The following DYNC1I1 variants were observed in gnomAD, a reference collection of about 807,000 sequenced individuals.
DYNC1I1 encodes the protein cytoplasmic dynein 1 intermediate chain 1.
A neutral mutation model predicts 86.6 loss-of-function variants in DYNC1I1; 43 were observed. The observed-to-expected ratio is 0.50, with a 90% CI of 0.39 to 0.64. The LOEUF (loss-of-function observed/expected upper bound fraction) is 0.64, where lower values mean the gene tolerates loss of function less well. Ranked by LOEUF, DYNC1I1 falls within the 30% of genes least tolerant of loss-of-function variation. The pLI, the probability that DYNC1I1 is intolerant of heterozygous loss-of-function variation, is 0.00. For missense variants in DYNC1I1, 604 were observed against 788.8 expected (o/e 0.77, Z 2.81); for synonymous variants, 262 against 283.7 (o/e 0.92, Z 0.77).
chr7:96,080,215 C>A, intron 15 of DYNC1I1, 148 bp from the exon 16 acceptor site: 1 of 986,976 alleles, frequency 1.0e-6, no homozygotes, highest in Non-Finnish European at 1.4e-6. Flanking sequence ...GAACAATGAG[C>A]CCTTTTTCCC....
chr7:95,935,980 G>GT (rs1014038528), intron 6 of DYNC1I1, among the ~76,000 whole-genome samples: 2 of 151,888 alleles, frequency 1.3e-5, no homozygotes, highest in Admixed American at 6.6e-5. Context: ...GAAATTTCAT[G>GT]TTTTTTTGGT....
At chr7:95,873,765 G>A (rs910414364) in intron 6 of DYNC1I1, among the ~76,000 whole-genome samples, 1 of 152,188 alleles carries the variant, frequency 6.6e-6, no homozygotes, top group East Asian at 1.9e-4. Context: ...CAGGTCTTTG[G>A]CTGTCAAGCA....
chr7:96,073,574 G>A (rs776176727), intron 14 of DYNC1I1, among the ~76,000 whole-genome samples: 1 of 152,174 alleles, frequency 6.6e-6, no homozygotes, highest in Non-Finnish European at 1.5e-5. Context: ...ATTGTGTTAC[G>A]TGTTTAGTAT....
At position 96,081,605 on chromosome 7, in the gene DYNC1I1, G is replaced by A. The variant is rs73708464; in HGVS notation, c.1776+1117G>A. On this transcript the variant is annotated intron_variant, in intron 16 of 16. Transcript: ENST00000447467. Reference sequence around the variant, plus strand: ...TGAATCTAACATTGCATTCCAGGGGGAAAATATACCACATTTGTATGCATA... The same window carrying A: ...TGAATCTAACATTGCATTCCAGGGGAAAAATATACCACATTTGTATGCATA... Among the ~76,000 whole-genome samples, 164 of 152,230 alleles carry A rather than the reference G, an allele frequency of 1.1e-3. 1 individual carries two copies. The highest frequency in any genetic ancestry group is 3.8e-3 in the African/African-American group (157 of 41,546).
intron 6 of DYNC1I1, among the ~76,000 whole-genome samples, chr7:95,915,201 C>T (rs1053551263): frequency 3.0e-4 from 46 of 152,182 alleles, no homozygotes; most frequent in African/African-American, 1.0e-3. Flanking sequence ...CACATAATAA[C>T]GAACTATAGT....
intron 14 of DYNC1I1, among the ~76,000 whole-genome samples, chr7:96,046,935 G>T (rs1313997544): frequency 6.6e-6 from 1 of 152,164 alleles, no homozygotes; most frequent in African/African-American, 2.4e-5. Flanking sequence ...TGTAATTGAA[G>T]ATATTTGTCT....
In DYNC1I1 at chr7:95,977,599, A is replaced by G. The variant is rs1793341633; in HGVS notation, c.578A>G (p.Glu193Gly). 3.7e-6 allele frequency: 6 copies of G among 1,612,294 alleles called. No homozygotes were observed. Among genetic ancestry groups the G allele is most frequent in the Non-Finnish European group, 5.1e-6 (6 of 1,179,374 alleles). ...ENQDKKQEVK[E>G]APPRELTEEE... Reference sequence around the variant, plus strand: ...CAGGACAAAAAACAGGAAGTGAAGGAAGGTATGATATGGAAAATAAACTGA... The same window carrying G: ...CAGGACAAAAAACAGGAAGTGAAGGGAGGTATGATATGGAAAATAAACTGA... Residue 193 changes from glutamate to glycine, a missense_variant and splice_region_variant, in exon 7 of 17, where the codon GAA (glutamate) becomes GGA (glycine). Physicochemically the swap from Glu to Gly is moderately conservative, Grantham distance 98. Transcript: ENST00000447467.
At chr7:96,011,041 C>T (rs1280406175) in intron 10 of DYNC1I1, among the ~76,000 whole-genome samples, 1 of 152,108 alleles carries the variant, frequency 6.6e-6, no homozygotes, top group East Asian at 1.9e-4. Context: ...CTGATTGCCT[C>T]GGGAAAAGGT....
At chr7:95,965,026 G>A (rs914042364) in intron 6 of DYNC1I1, among the ~76,000 whole-genome samples, 1 of 152,136 alleles carries the variant, frequency 6.6e-6, no homozygotes, top group African/African-American at 2.4e-5. Context: ...CACATGGCGT[G>A]GTCTTGTGCT....
intron 10 of DYNC1I1, among the ~76,000 whole-genome samples, chr7:96,012,626 G>T (rs1374433354): frequency 6.6e-6 from 1 of 152,192 alleles, no homozygotes; most frequent in Non-Finnish European, 1.5e-5. Context: ...AAGGTTGTTT[G>T]TCTGGGAGTG....
chr7:95,857,770 C>T (rs369417869), intron 5 of DYNC1I1, among the ~76,000 whole-genome samples: 1 of 152,206 alleles, frequency 6.6e-6, no homozygotes, highest in Non-Finnish European at 1.5e-5. Context: ...CCACAATCAG[C>T]TTATCTAGAG....
chr7:96,051,258 T>C (rs758647006), intron 14 of DYNC1I1, among the ~76,000 whole-genome samples: 54 of 152,340 alleles, frequency 3.5e-4, no homozygotes, highest in South Asian at 1.0e-3. Context: ...AGGTTCATGA[T>C]ACTGTTCATG....
intron 14 of DYNC1I1, among the ~76,000 whole-genome samples, chr7:96,063,289 C>T (rs977101142): frequency 2.6e-5 from 4 of 151,934 alleles, no homozygotes; most frequent in Admixed American, 2.6e-4. Flanking sequence ...TCAAATTGCA[C>T]TGTTGGGGGA....
At chr7:95,898,286 T>A (rs1790941234) in intron 6 of DYNC1I1, among the ~76,000 whole-genome samples, 1 of 152,218 alleles carries the variant, frequency 6.6e-6, no homozygotes, top group Admixed American at 6.5e-5. Flanking sequence ...GGAAATCCCG[T>A]AGAGTTTTCA....
chr7:95,880,336 C>T lies in DYNC1I1; in HGVS notation c.490+10338C>T, dbSNP rs985889585. On this transcript the variant is annotated intron_variant, in intron 6 of 16. Coordinates refer to ENST00000447467, the MANE Select transcript of DYNC1I1 (RefSeq NM_001135556.2). ...TTAGCTTCTTGCCACCCCTTTACCA[C>T]TCCACTCTACCCTGCATACTCCACC... is the stretch of plus-strand genomic sequence containing the variant. 5.3e-5 allele frequency among the ~76,000 whole-genome samples: 8 copies of T among 152,122 alleles called. No individual in the cohort carries two copies. In the East Asian group the frequency reaches 1.5e-3, roughly 29 times the overall value.
chr7:96,040,138 G>A (rs535486503), intron 14 of DYNC1I1, among the ~76,000 whole-genome samples: 10 of 152,176 alleles, frequency 6.6e-5, no homozygotes, highest in Admixed American at 2.0e-4. Context: ...CGAGGCTGAG[G>A]CAGGAGAATC....
chr7:95,840,135 T>G (rs1177144933), intron 5 of DYNC1I1, among the ~76,000 whole-genome samples: 1 of 152,176 alleles, frequency 6.6e-6, no homozygotes, highest in African/African-American at 2.4e-5. Context: ...TCCCCAGGTT[T>G]GGGAATTTTT....
chr7:96,056,530 T>G (rs551570065), intron 14 of DYNC1I1, among the ~76,000 whole-genome samples: 1 of 152,272 alleles, frequency 6.6e-6, no homozygotes, highest in East Asian at 1.9e-4. Flanking sequence ...TCTCTCCCCA[T>G]GCTCATTCTT....
intron 6 of DYNC1I1, among the ~76,000 whole-genome samples, chr7:95,874,279 G>A (rs1790246405): frequency 6.6e-6 from 1 of 152,154 alleles, no homozygotes; most frequent in Non-Finnish European, 1.5e-5. Flanking sequence ...CATCAGCTAT[G>A]GCAGATAACC....
Sources: allele counts gnomAD v4.1 joint callset (sites outside exome capture counted in the v4.1 genomes callset), GRCh38; gene constraint gnomAD v4.1.1; transcripts MANE v1.5; gene names NCBI Gene and HGNC (gene_info 2026-07-23, HGNC 2026-07-21).